ILDR1: variants seen among roughly 807,000 people sequenced by gnomAD.
ILDR1 encodes the protein immunoglobulin like domain containing receptor 1, also known as immunoglobulin-like domain-containing receptor 1.
ILDR1 carries 56 observed loss-of-function variants against 62.4 expected under a neutral mutation model. That is an observed-to-expected ratio of 0.90 (90% CI 0.72 to 1.12). ILDR1 has a LOEUF of 1.12. ILDR1 is among the 50% of genes most tolerant of loss of function. The probability of loss-of-function intolerance (pLI) is 0.00; values close to 1 mark genes in which losing one functional copy is unlikely to be tolerated. For synonymous variants in ILDR1, 284 were observed against 277.8 expected (o/e 1.02, Z -0.22); for missense variants, 736 against 710.6 (o/e 1.04, Z -0.41).
At chr3:122,031,883 G>A in the ILDR1 span, among the ~76,000 whole-genome samples, 1 of 152,094 alleles carries the variant, frequency 6.6e-6, no homozygotes, top group African/African-American at 2.4e-5. Flanking sequence ...TTACACACTG[G>A]CTACTTTCAT....
At chr3:122,000,344 G>C (rs1273875087) in intron 5 of ILDR1, among the ~76,000 whole-genome samples, 1 of 151,918 alleles carries the variant, frequency 6.6e-6, no homozygotes. Context: ...ATCACTGATA[G>C]CCAATGACTT....
the ILDR1 span, among the ~76,000 whole-genome samples, chr3:122,051,236 T>A: frequency 2.0e-5 from 3 of 152,228 alleles, no homozygotes; most frequent in Admixed American, 6.5e-5. Flanking sequence ...CTTCTCTTTC[T>A]TGGACTGCTC....
At chr3:122,001,094 C>A (rs1474348776) in intron 5 of ILDR1, among the ~76,000 whole-genome samples, 2 of 152,160 alleles carry the variant, frequency 1.3e-5, no homozygotes, top group Non-Finnish European at 2.9e-5. Flanking sequence ...CTTTAGGCAG[C>A]CTGAGGAGTG....
chr3:122,006,920 T>C, intron 2 of ILDR1, 71 bp downstream of exon 2: 2 of 1,504,302 alleles, frequency 1.3e-6, no homozygotes, highest in Non-Finnish European at 1.8e-6. Flanking sequence ...AAATAATCCC[T>C]CAACCCTAAC....
rs2071591086 is a variant in ILDR1, at chr3:122,005,328, CT to C, written c.294del (p.Val99PhefsTer3). 1.2e-6 allele frequency: 2 copies of C among 1,613,976 alleles called. No individual in the cohort carries two copies. Among genetic ancestry groups the C allele is most frequent in the African/African-American group, 2.7e-5 (2 of 74,904 alleles). On this transcript the variant is annotated frameshift_variant, in exon 3 of 8. Transcript: ENST00000344209. LOFTEE classifies it high-confidence loss of function. ...PSNDCNDNQR[E>X]VRIVAQRRGQ... is the part of the protein sequence containing the mutation. ...CCCCGCCGCTGGGCCACTATGCGAA[CT>C]TCCCGCTGGTTGTCGTTGCAGTCAT...
chr3:121,992,005 C>T (rs2071355394), intron 7 of ILDR1, among the ~76,000 whole-genome samples: 1 of 152,276 alleles, frequency 6.6e-6, no homozygotes, highest in Admixed American at 6.5e-5. Context: ...GGATTTTGGT[C>T]AAATAGAGAA....
chr3:121,996,353 A>G (rs2071435414), intron 5 of ILDR1, among the ~76,000 whole-genome samples: 1 of 152,222 alleles, frequency 6.6e-6, no homozygotes, highest in Non-Finnish European at 1.5e-5. Context: ...CACACAGTCC[A>G]GAGATTAATT....
Position 122,001,299 on chromosome 3 carries a change from C to G in ILDR1, c.646+9G>C, listed in dbSNP as rs1307027713. On this transcript the variant is annotated intron_variant, in intron 5 of 7. Coordinates refer to ENST00000344209, the MANE Select transcript of ILDR1 (RefSeq NM_001199799.2). ...CACTCCATTCCACTGCTTGTCTGTC[C>G]CCTCTCACCTTCCTCAGGACAGCAG... 16 of 1,614,014 alleles carry G rather than the reference C, an allele frequency of 9.9e-6. No homozygotes were observed. The highest frequency in any genetic ancestry group is 1.4e-5 in the Non-Finnish European group (16 of 1,180,022).
intron 1 of ILDR1, among the ~76,000 whole-genome samples, chr3:122,012,592 T>C (rs2071720399): frequency 6.6e-6 from 1 of 152,208 alleles, no homozygotes; most frequent in South Asian, 2.1e-4. Context: ...TAGCAAGTTA[T>C]TTCCAAACTA....
At chr3:122,001,270 A>G in intron 5 of ILDR1, 38 bp downstream of exon 5, 1 of 1,613,000 alleles carries the variant, frequency 6.2e-7, no homozygotes, top group Non-Finnish European at 8.5e-7. Flanking sequence ...CCTGGTCCCT[A>G]ATCCACTCCA....
intron 3 of ILDR1, among the ~76,000 whole-genome samples, chr3:122,003,433 T>A (rs1284456684): frequency 6.6e-6 from 1 of 152,172 alleles, no homozygotes. Context: ...ATGATGAAAG[T>A]GCTTTTAAAA....
chr3:122,003,043 G>A (rs1410939270), intron 3 of ILDR1, among the ~76,000 whole-genome samples: 6 of 152,116 alleles, frequency 3.9e-5, no homozygotes, highest in African/African-American at 1.4e-4. Context: ...GTCAGGCACC[G>A]AGGAGATGTA....
Position 121,993,141 on chromosome 3 carries a change from C to G in ILDR1, c.1599+9G>C. On this transcript the variant is annotated intron_variant, in intron 7 of 7. Coordinates refer to ENST00000344209, the MANE Select transcript of ILDR1 (RefSeq NM_001199799.2). ...ATGCCCAACCCTCAGCAGGATGCCC[C>G]AGGCTCACCGAGCGCCTCTCCACAC... The G allele has an allele frequency of 6.4e-7, 1 of 1,568,574 alleles. No homozygotes were observed. Among genetic ancestry groups the G allele is most frequent in the Non-Finnish European group, 8.7e-7 (1 of 1,155,186 alleles).
intron 5 of ILDR1, 118 bp from the exon 6 acceptor site, chr3:121,994,431 C>T: frequency 8.1e-7 from 1 of 1,240,528 alleles, no homozygotes; most frequent in East Asian, 2.6e-5. Flanking sequence ...CCATTCTCAC[C>T]TATTTTGCAT....
the ILDR1 span, among the ~76,000 whole-genome samples, chr3:122,054,577 GT>G: frequency 1.4e-4 from 21 of 151,794 alleles, no homozygotes; most frequent in Non-Finnish European, 2.7e-4. Context: ...TAGTCATTCT[GT>G]TTTCATTTTG....
At chr3:122,055,798 A>T in the ILDR1 span, among the ~76,000 whole-genome samples, 1 of 152,220 alleles carries the variant, frequency 6.6e-6, no homozygotes, top group Non-Finnish European at 1.5e-5. Context: ...AGGAATTTTT[A>T]AAATATCTGC....
upstream of ILDR1, among the ~76,000 whole-genome samples, chr3:122,027,052 A>T (rs976810336): frequency 1.3e-5 from 2 of 152,242 alleles, no homozygotes; most frequent in Admixed American, 6.5e-5. Flanking sequence ...AAATCTATTA[A>T]GTAACTAGAA....
chr3:122,056,995 G>A, the ILDR1 span, among the ~76,000 whole-genome samples: 1 of 152,286 alleles, frequency 6.6e-6, no homozygotes, highest in East Asian at 1.9e-4. Context: ...ATTAAACAAT[G>A]TCTGTTCTCA....
chr3:122,034,468 A>G, the ILDR1 span, among the ~76,000 whole-genome samples: 5 of 152,204 alleles, frequency 3.3e-5, no homozygotes, highest in Non-Finnish European at 4.4e-5. Flanking sequence ...GCAAGCTCAT[A>G]TACAGAAAAA....
Sources: gnomAD v4.1 joint callset for allele counts (sites outside exome capture counted in the v4.1 genomes callset) on GRCh38, gnomAD v4.1.1 for gene constraint, MANE v1.5 for transcripts, NCBI Gene and HGNC (gene_info 2026-07-23, HGNC 2026-07-21) for gene names.